Variants in XRCC5 observed in about 807,000 individuals in gnomAD.
XRCC5 encodes the protein X-ray repair cross complementing 5.
In XRCC5, 12 loss-of-function variants were observed where a neutral mutation model predicts 95.7. The ratio of observed to expected loss-of-function variants is 0.13; its 90% CI spans 0.08 to 0.20. The LOEUF is 0.20. Among genes scored for constraint, XRCC5 ranks in the 10% least tolerant of loss-of-function variants. The pLI is 1.00. For synonymous variants in XRCC5, 281 were observed against 290.3 expected (o/e 0.97, Z 0.33); for missense variants, 595 against 873.9 (o/e 0.68, Z 4.02).
intron 1 of XRCC5, 87 bp downstream of exon 1, chr2:216,109,544 C>A: frequency 6.4e-7 from 1 of 1,574,382 alleles, no homozygotes; most frequent in South Asian, 1.1e-5. Context: ...GGATCGCGGT[C>A]AAGACAAAGA....
chr2:216,140,394 T>C (rs1697153217), intron 12 of XRCC5, among the ~76,000 whole-genome samples: 1 of 152,200 alleles, frequency 6.6e-6, no homozygotes, highest in Non-Finnish European at 1.5e-5. Context: ...ATCAGTAAAA[T>C]GAAAGTTACA....
At chr2:216,175,881 C>T in intron 16 of XRCC5, 2 of 423,482 alleles carry the variant, frequency 4.7e-6, no homozygotes, top group Non-Finnish European at 9.2e-6. Context: ...CTTAACCCAT[C>T]ATCTGTAGTT....
intron 6 of XRCC5, 56 bp downstream of exon 6, chr2:216,122,309 T>G: frequency 6.6e-7 from 1 of 1,519,964 alleles, no homozygotes; most frequent in Non-Finnish European, 8.9e-7. Context: ...AAATTTCTCT[T>G]TTGATTAGAG....
intron 16 of XRCC5, among the ~76,000 whole-genome samples, chr2:216,186,811 C>G (rs961453322): frequency 6.6e-6 from 1 of 152,140 alleles, no homozygotes; most frequent in African/African-American, 2.4e-5. Flanking sequence ...AGAAAAGCAC[C>G]CTGATGATCA....
Position 216,122,110 on chromosome 2 carries a change from T to A in XRCC5, c.540T>A (p.Asp180Glu), listed in dbSNP as rs80309960. 349 of 1,614,146 alleles carry A rather than the reference T, an allele frequency of 2.2e-4. 2 individuals carry two copies. In the African/African-American group the frequency reaches 3.8e-3, roughly 18 times the overall value. Residue 180 changes from aspartate to glutamate, a missense_variant, in exon 6 of 21, where the codon GAT (aspartate) becomes GAA (glutamate). Coordinates refer to ENST00000392132, the MANE Select transcript of XRCC5 (RefSeq NM_021141.4). ...AAGATGGAAGTGGGGACAGAGGAGATGGCCCCTTTCGCTTAGGTGGCCATG... is the reference window on the plus strand; with the variant it reads ...AAGATGGAAGTGGGGACAGAGGAGAAGGCCCCTTTCGCTTAGGTGGCCATG... ...GKEDGSGDRG[D>E]GPFRLGGHGP...
intron 13 of XRCC5, among the ~76,000 whole-genome samples, chr2:216,147,011 T>C (rs890693548): frequency 2.6e-5 from 4 of 152,004 alleles, no homozygotes; most frequent in East Asian, 1.9e-4. Flanking sequence ...AACTAAAAAA[T>C]TGATAATTTT....
intron 16 of XRCC5, chr2:216,174,980 C>A: frequency 3.1e-6 from 1 of 324,630 alleles, no homozygotes; most frequent in Non-Finnish European, 6.0e-6. Context: ...CTTCTTCCAC[C>A]AAAACTGCAC....
chr2:216,164,609 G>A (rs114995950), intron 16 of XRCC5, among the ~76,000 whole-genome samples: 77 of 152,286 alleles, frequency 5.1e-4, no homozygotes, highest in African/African-American at 1.8e-3. Context: ...TCGGAGGAAA[G>A]GAAGCTCCTC....
chr2:216,183,596 A>C (rs781722072), intron 16 of XRCC5, among the ~76,000 whole-genome samples: 8 of 152,148 alleles, frequency 5.3e-5, no homozygotes, highest in Non-Finnish European at 8.8e-5. Flanking sequence ...TTCCTGTGCC[A>C]CTGGTCATGC....
At chr2:216,176,387 G>A (rs1233653984) in intron 16 of XRCC5, among the ~76,000 whole-genome samples, 1 of 152,174 alleles carries the variant, frequency 6.6e-6, no homozygotes, top group Non-Finnish European at 1.5e-5. Flanking sequence ...CCAAAGTGCT[G>A]GGATTACAGG....
intron 20 of XRCC5, 71 bp downstream of exon 20, chr2:216,204,467 G>T (rs1001797125): frequency 9.2e-6 from 14 of 1,529,262 alleles, no homozygotes; most frequent in Non-Finnish European, 3.6e-6. Context: ...AGCCACAAAG[G>T]CTGATTATCT....
At chr2:216,163,300 A>T (rs939798203) in intron 16 of XRCC5, among the ~76,000 whole-genome samples, 1 of 151,732 alleles carries the variant, frequency 6.6e-6, no homozygotes, top group Non-Finnish European at 1.5e-5. Context: ...ATGCCTGGCC[A>T]AAAATTACTT....
At chr2:216,191,609 C>A (rs1173515711) in intron 17 of XRCC5, among the ~76,000 whole-genome samples, 1 of 152,088 alleles carries the variant, frequency 6.6e-6, no homozygotes, top group Non-Finnish European at 1.5e-5. Context: ...TGGGGTTTCA[C>A]CATGTTGGCC....
chr2:216,133,227 A>T lies in XRCC5; in HGVS notation c.1113+840A>T, dbSNP rs1391426250. Among the ~76,000 whole-genome samples the T allele has an allele frequency of 3.9e-5, 6 of 152,366 alleles. No individual in the cohort carries two copies. In the East Asian group the frequency reaches 1.2e-3, roughly 29 times the overall value. ...AATTATTAGAGCACAATATTAGCAT[A>T]CATGAATCTTCAAATTTGAGAATCC... is the stretch of plus-strand genomic sequence containing the variant. On this transcript the variant is annotated intron_variant, in intron 10 of 20. Coordinates refer to ENST00000392132, the MANE Select transcript of XRCC5 (RefSeq NM_021141.4).
intron 19 of XRCC5, among the ~76,000 whole-genome samples, chr2:216,198,483 C>T (rs1689772680): frequency 6.6e-6 from 1 of 152,074 alleles, no homozygotes; most frequent in Non-Finnish European, 1.5e-5. Context: ...CACATGAACC[C>T]TTTATTTTGT....
intron 16 of XRCC5, among the ~76,000 whole-genome samples, chr2:216,174,455 A>T (rs41302452): frequency 0.018 from 2,714 of 152,310 alleles, 78 homozygotes; most frequent in African/African-American, 0.062. Context: ...TCAAAAGAAA[A>T]TACCTTCAAA....
At chr2:216,147,865 T>C (rs955544069) in intron 13 of XRCC5, among the ~76,000 whole-genome samples, 3 of 152,238 alleles carry the variant, frequency 2.0e-5, no homozygotes, top group Non-Finnish European at 4.4e-5. Context: ...CAGAAGATAC[T>C]GTTGCTAGGC....
chr2:216,116,327 A>C (rs1222195648), intron 2 of XRCC5, among the ~76,000 whole-genome samples: 1 of 152,124 alleles, frequency 6.6e-6, no homozygotes, highest in East Asian at 1.9e-4. Context: ...AAGACATACT[A>C]AAATCTTTTC....
rs796192811 is a variant in XRCC5, at chr2:216,141,545, T to C, written c.1476+226T>C. On this transcript the variant is annotated intron_variant, in intron 13 of 20. Transcript: ENST00000392132. ...TGGAATGCTTTCTTTCTTTTCTTTT[T>C]TTTTTTTTTTTTTTTTTTTTTCCTG... is the stretch of plus-strand genomic sequence containing the variant. 6.8e-3 allele frequency among the ~76,000 whole-genome samples: 413 copies of C among 60,862 alleles called. 2 individuals carry two copies. The highest frequency in any genetic ancestry group is 8.8e-3 in the Non-Finnish European group (267 of 30,352). The allele number at this position is 60,862 out of a possible 152,430, so 39.9% of individuals were successfully genotyped here. A position where few individuals can be genotyped will look rare whatever the true frequency, so the allele number is the denominator to read the frequency against.
Sources: allele counts gnomAD v4.1 joint callset (sites outside exome capture counted in the v4.1 genomes callset), GRCh38; gene constraint gnomAD v4.1.1; transcripts MANE v1.5; gene names NCBI Gene and HGNC (gene_info 2026-07-23, HGNC 2026-07-21).